MYT1L: variants seen among roughly 807,000 people sequenced by gnomAD.
MYT1L encodes the protein myelin transcription factor 1 like.
Under a neutral mutation model 126.7 loss-of-function variants are expected in MYT1L, and 12 were observed. The ratio of observed to expected loss-of-function variants is 0.09; its 90% CI spans 0.06 to 0.15. The LOEUF (loss-of-function observed/expected upper bound fraction) is 0.15, where lower values mean the gene tolerates loss of function less well. Among genes scored for constraint, MYT1L ranks in the 10% least tolerant of loss-of-function variants. The probability of loss-of-function intolerance (pLI) is 1.00; values close to 1 mark genes in which losing one functional copy is unlikely to be tolerated. For synonymous variants in MYT1L, 541 were observed against 604.2 expected, an observed-to-expected ratio of 0.90 and a Z score of 1.53; for missense variants, 979 against 1,585.2, an observed-to-expected ratio of 0.62 and a Z score of 6.49.
At chr2:2,260,939 C>T (rs186610296) in intron 2 of MYT1L, among the ~76,000 whole-genome samples, 6 of 152,242 alleles carry the variant, frequency 3.9e-5, no homozygotes. Context: ...GAAATTCTGC[C>T]AGATTCTGAA....
chr2:2,125,959 A>G (rs2081630236), intron 3 of MYT1L, among the ~76,000 whole-genome samples: 1 of 152,250 alleles, frequency 6.6e-6, no homozygotes, highest in Non-Finnish European at 1.5e-5. Flanking sequence ...GTAGCTTCAC[A>G]GCATTTTCCT....
At chr2:1,866,424 C>A (rs1341750033) in intron 18 of MYT1L, among the ~76,000 whole-genome samples, 6 of 141,986 alleles carry the variant, frequency 4.2e-5, no homozygotes, top group Non-Finnish European at 9.2e-5. Context: ...GAGAAGGAGG[C>A]AGGCAGAGAG....
intron 18 of MYT1L, among the ~76,000 whole-genome samples, chr2:1,860,551 C>G (rs1382087118): frequency 6.6e-6 from 1 of 152,192 alleles, no homozygotes; most frequent in East Asian, 1.9e-4. Flanking sequence ...ACACGGAGCC[C>G]TAAGGCAGCT....
At chr2:2,310,809 T>C (rs1242753536) in intron 1 of MYT1L, among the ~76,000 whole-genome samples, 1 of 152,176 alleles carries the variant, frequency 6.6e-6, no homozygotes, top group Non-Finnish European at 1.5e-5. Flanking sequence ...CGGGCGGTTG[T>C]GACTCACTTT....
intron 3 of MYT1L, among the ~76,000 whole-genome samples, chr2:2,136,218 T>C (rs544861111): frequency 6.8e-4 from 103 of 152,296 alleles, no homozygotes; most frequent in African/African-American, 2.4e-3. Context: ...GAGAAAATGG[T>C]TCATCTCAGA....
chr2:2,165,917 TTTTA>T (rs1385354920), intron 3 of MYT1L, among the ~76,000 whole-genome samples: 3 of 151,494 alleles, frequency 2.0e-5, no homozygotes, highest in African/African-American at 7.3e-5. Flanking sequence ...AAATAAAATC[TTTTA>T]TTTTTCTACT....
At chr2:1,930,851 T>C (rs571744421) in intron 9 of MYT1L, among the ~76,000 whole-genome samples, 234 of 152,318 alleles carry the variant, frequency 1.5e-3, no homozygotes, top group African/African-American at 5.5e-3. Context: ...GGGTTTGCTG[T>C]ACAGATTAGT....
chr2:2,133,399 C>A (rs575508334), intron 3 of MYT1L, among the ~76,000 whole-genome samples: 180 of 152,226 alleles, frequency 1.2e-3, no homozygotes, highest in African/African-American at 4.1e-3. Context: ...CAAAGTCACT[C>A]CCCCTCATGC....
At chr2:2,175,134 G>C (rs575716629) in intron 2 of MYT1L, among the ~76,000 whole-genome samples, 25 of 152,098 alleles carry the variant, frequency 1.6e-4, no homozygotes, top group Non-Finnish European at 2.8e-4. Context: ...TCCTCTCTGA[G>C]AAGGGCCTCC....
chr2:2,125,565 A>T (rs1575346477), intron 3 of MYT1L, among the ~76,000 whole-genome samples: 1 of 152,330 alleles, frequency 6.6e-6, no homozygotes, highest in South Asian at 2.1e-4. Context: ...TGAGTGGGGC[A>T]TGAAAACCTA....
chr2:2,141,784 G>T (rs898252377), intron 3 of MYT1L, among the ~76,000 whole-genome samples: 1 of 152,166 alleles, frequency 6.6e-6, no homozygotes, highest in Non-Finnish European at 1.5e-5. Flanking sequence ...CTAGAACGAA[G>T]AACAAGACTC....
rs73911321 is a variant in MYT1L, at chr2:2,073,839, G to A, written c.-303-19716C>T. Among the ~76,000 whole-genome samples the A allele has an allele frequency of 8.6e-3, 1,313 of 152,148 alleles. 20 individuals are homozygous for A. The highest frequency in any genetic ancestry group is 0.029 in the African/African-American group (1,224 of 41,508). ...GCTTAGGTGTCCCTCCATTTCCAAG[G>A]AAGGCCGCCTAACTTTCTCCCTGTT... On this transcript the variant is annotated intron_variant, in intron 3 of 24. Coordinates refer to ENST00000647738, the MANE Select transcript of MYT1L (RefSeq NM_001303052.2).
At chr2:2,295,940 AG>A (rs2095686553) in intron 1 of MYT1L, among the ~76,000 whole-genome samples, 2 of 141,004 alleles carry the variant, frequency 1.4e-5, no homozygotes, top group Non-Finnish European at 3.1e-5. Flanking sequence ...GTTGGGGGGG[AG>A]GAGAGAGAGG....
chr2:1,947,439 G>C (rs1178363819), intron 8 of MYT1L, among the ~76,000 whole-genome samples: 1 of 152,208 alleles, frequency 6.6e-6, no homozygotes, highest in Non-Finnish European at 1.5e-5. Context: ...TATCCGGCTA[G>C]GAGGACGTTT....
In MYT1L at chr2:1,926,106, G is replaced by A. The variant is rs540748071; in HGVS notation, c.506-2843C>T. On this transcript the variant is annotated intron_variant, in intron 9 of 24. Transcript: ENST00000647738. The stretch of plus-strand genomic sequence containing the variant: ...AAGTTCCTCCTGCTCAGTGTCATCT[G>A]AGCCTCTCCCAGCGGCAGCAAATGT... Among the ~76,000 whole-genome samples the A allele has an allele frequency of 1.4e-4, 21 of 152,302 alleles. 1 individual carries two copies. The South Asian group carries it at 3.7e-3, about 27-fold the overall frequency.
At chr2:2,160,175 T>C (rs1269595357) in intron 3 of MYT1L, among the ~76,000 whole-genome samples, 3 of 152,220 alleles carry the variant, frequency 2.0e-5, no homozygotes, top group African/African-American at 7.2e-5. Flanking sequence ...CTGACTTTCA[T>C]CATCGTGAGT....
At chr2:2,137,491 G>C (rs1235185160) in intron 3 of MYT1L, among the ~76,000 whole-genome samples, 6 of 152,210 alleles carry the variant, frequency 3.9e-5, no homozygotes, top group African/African-American at 1.4e-4. Flanking sequence ...CCAAAACAGA[G>C]ATATAGATCA....
Position 2,286,634 on chromosome 2 carries a change from C to T in MYT1L, c.-520-2131G>A, listed in dbSNP as rs17039522. Among the ~76,000 whole-genome samples the T allele has an allele frequency of 9.8e-3, 1,495 of 152,242 alleles. 18 individuals are homozygous for T. Among genetic ancestry groups the T allele is most frequent in the African/African-American group, 0.03 (1,246 of 41,542 alleles). On this transcript the variant is annotated intron_variant, in intron 1 of 24. Coordinates refer to ENST00000647738, the MANE Select transcript of MYT1L (RefSeq NM_001303052.2). ...CGGGTTAAAGTGTACTTGCCTATTG[C>T]GAGTCAATAATAAATGGTCTAATGG...
intron 3 of MYT1L, among the ~76,000 whole-genome samples, chr2:2,080,672 A>G (rs533085892): frequency 2.4e-4 from 36 of 152,184 alleles, no homozygotes; most frequent in Non-Finnish European, 4.4e-4. Flanking sequence ...CAAAAAAGGA[A>G]AAGAAAAGAA....
Sources: allele counts gnomAD v4.1 joint callset (sites outside exome capture counted in the v4.1 genomes callset), GRCh38; gene constraint gnomAD v4.1.1; transcripts MANE v1.5; gene names NCBI Gene and HGNC (gene_info 2026-07-23, HGNC 2026-07-21).